Variants in PYY observed in about 807,000 individuals in gnomAD.
The protein encoded by PYY is peptide YY, also known as peptide tyrosine tyrosine.
A neutral mutation model predicts 10.3 loss-of-function variants in PYY; 12 were observed. The ratio of observed to expected loss-of-function variants is 1.17; its 90% CI spans 0.75 to 1.89. PYY has a LOEUF of 1.89. Ranked by LOEUF, PYY falls within the 40% of genes most tolerant of loss-of-function variation. The pLI, the probability that PYY is intolerant of heterozygous loss-of-function variation, is 0.00. For missense variants in PYY, 141 were observed against 134.0 expected, an observed-to-expected ratio of 1.05 and a Z score of -0.26; for synonymous variants, 66 against 62.0, an observed-to-expected ratio of 1.06 and a Z score of -0.30.
intron 2 of PYY, among the ~76,000 whole-genome samples, chr17:43,962,986 A>C (rs2048722904): frequency 1.3e-5 from 2 of 152,160 alleles, no homozygotes; most frequent in Admixed American, 6.6e-5. Flanking sequence ...GAAAAGGGGG[A>C]GAAAGAGATC....
intron 1 of PYY, among the ~76,000 whole-genome samples, chr17:43,977,791 C>T (rs2048858457): frequency 6.6e-6 from 1 of 152,116 alleles, no homozygotes. Flanking sequence ...CCTGGGGCTC[C>T]TAAAACCACT....
At chr17:43,999,886 G>A (rs1240262296) in intron 1 of PYY, among the ~76,000 whole-genome samples, 1 of 152,208 alleles carries the variant, frequency 6.6e-6, no homozygotes, top group African/African-American at 2.4e-5. Context: ...ATGCTCAGGA[G>A]GAAGGAAGGG....
intron 1 of PYY, among the ~76,000 whole-genome samples, chr17:43,995,146 AG>A (rs1318756771): frequency 3.9e-5 from 6 of 152,186 alleles, no homozygotes; most frequent in Non-Finnish European, 8.8e-5. Flanking sequence ...CTATCCACCG[AG>A]GACCCCTGGG....
At chr17:43,971,864 AG>A (rs2048796210) in intron 1 of PYY, among the ~76,000 whole-genome samples, 1 of 152,146 alleles carries the variant, frequency 6.6e-6, no homozygotes, top group East Asian at 1.9e-4. Flanking sequence ...TTTATGATGA[AG>A]TCCAATTTAT....
chr17:43,985,364 C>A (rs1008133863), intron 1 of PYY, among the ~76,000 whole-genome samples: 1 of 152,132 alleles, frequency 6.6e-6, no homozygotes, highest in Non-Finnish European at 1.5e-5. Flanking sequence ...GTGCATACCA[C>A]CCCACCCAGC....
chr17:43,959,230 C>A (rs2048695671), intron 2 of PYY, among the ~76,000 whole-genome samples: 1 of 152,184 alleles, frequency 6.6e-6, no homozygotes. Flanking sequence ...TTTATGATTG[C>A]CCATTTAAGC....
At chr17:43,978,928 C>A (rs2048866049) in intron 1 of PYY, among the ~76,000 whole-genome samples, 1 of 152,184 alleles carries the variant, frequency 6.6e-6, no homozygotes, top group Non-Finnish European at 1.5e-5. Context: ...CTGTAAAGTG[C>A]CCTTATCCAT....
At chr17:43,993,460 A>G (rs2048971319) in intron 1 of PYY, among the ~76,000 whole-genome samples, 1 of 140,560 alleles carries the variant, frequency 7.1e-6, no homozygotes, top group African/African-American at 2.6e-5. Context: ...CTCCATCTCC[A>G]AAAAAAAAAA....
At chr17:43,972,634 T>C (rs2143921250) in intron 1 of PYY, among the ~76,000 whole-genome samples, 1 of 152,194 alleles carries the variant, frequency 6.6e-6, no homozygotes, top group East Asian at 1.9e-4. Context: ...GCTCAAACGA[T>C]CTTCCCACCT....
intron 1 of PYY, among the ~76,000 whole-genome samples, chr17:43,991,497 A>G (rs1253652020): frequency 1.3e-5 from 2 of 152,220 alleles, no homozygotes; most frequent in Non-Finnish European, 1.5e-5. Context: ...ATGTAAAACT[A>G]TATGGTCAGG....
At chr17:43,991,919 G>A (rs1019335440) in intron 1 of PYY, among the ~76,000 whole-genome samples, 5 of 151,544 alleles carry the variant, frequency 3.3e-5, no homozygotes, top group Admixed American at 6.6e-5. Flanking sequence ...AGGAGATGGA[G>A]ACTACCCTGA....
chr17:43,973,464 T>C (rs1487348503), intron 1 of PYY, among the ~76,000 whole-genome samples: 1 of 152,222 alleles, frequency 6.6e-6, no homozygotes, highest in Non-Finnish European at 1.5e-5. Flanking sequence ...AGCGCTGTTT[T>C]GGAGAAATCT....
At chr17:43,999,988 C>T (rs2049015432) in intron 1 of PYY, among the ~76,000 whole-genome samples, 1 of 151,972 alleles carries the variant, frequency 6.6e-6, no homozygotes, top group African/African-American at 2.4e-5. Flanking sequence ...ACATGGGTGC[C>T]TATGTTTTCC....
rs1183794188 is a variant in PYY, at chr17:43,976,202, T to C, written c.-462-9670A>G. On this transcript the variant is annotated intron_variant, in intron 1 of 6. Coordinates refer to the PYY transcript ENST00000360085. ...ATATATACGTATATGTATACATATA[T>C]ACATATACGTATATGTATACATATA... 2.1e-5 allele frequency among the ~76,000 whole-genome samples: 3 copies of C among 142,742 alleles called. 1 individual carries two copies. The highest frequency in any genetic ancestry group is 5.4e-5 in the African/African-American group (2 of 36,996). 93.6% of individuals were successfully genotyped at this position (142,742 alleles called of 152,430 possible). A position where few individuals can be genotyped will look rare whatever the true frequency, so the allele number is the denominator to read the frequency against.
intron 2 of PYY, among the ~76,000 whole-genome samples, chr17:43,964,525 C>T (rs936144981): frequency 5.9e-5 from 9 of 152,178 alleles, no homozygotes; most frequent in Non-Finnish European, 1.3e-4. Context: ...CCAAGGCAGG[C>T]GGATCACCTG....
intron 1 of PYY, among the ~76,000 whole-genome samples, chr17:43,968,283 C>T (rs536467514): frequency 1.3e-5 from 2 of 152,268 alleles, no homozygotes; most frequent in African/African-American, 2.4e-5. Context: ...CCTCCTGCCA[C>T]CTGGCCCTGA....
chr17:43,989,330 T>C lies in PYY; in HGVS notation c.-463+15061A>G, dbSNP rs547659464. On this transcript the variant is annotated intron_variant, in intron 1 of 6. Coordinates refer to the PYY transcript ENST00000360085. ...CAGAGCTTGCAGTGAGCTGAGATCATGCCACTGCACTCCAGCCTGGGTGAC... is the reference window on the plus strand; with the variant it reads ...CAGAGCTTGCAGTGAGCTGAGATCACGCCACTGCACTCCAGCCTGGGTGAC... 3.6e-4 allele frequency among the ~76,000 whole-genome samples: 54 copies of C among 150,194 alleles called. 1 individual carries two copies. The East Asian group carries it at 6.6e-3, about 18-fold the overall frequency.
intron 1 of PYY, among the ~76,000 whole-genome samples, chr17:43,966,792 A>T (rs920213380): frequency 9.2e-5 from 14 of 152,180 alleles, no homozygotes; most frequent in Non-Finnish European, 1.3e-4. Flanking sequence ...TCACTGATAT[A>T]TCCCCAGTGA....
intron 1 of PYY, among the ~76,000 whole-genome samples, chr17:43,991,847 G>A (rs1389938081): frequency 1.3e-5 from 2 of 151,548 alleles, no homozygotes; most frequent in South Asian, 2.1e-4. Context: ...AAGGCCGGGC[G>A]CGGTGGCTCA....
Sources: allele counts gnomAD v4.1 joint callset (sites outside exome capture counted in the v4.1 genomes callset), GRCh38; gene constraint gnomAD v4.1.1; transcripts MANE v1.5; gene names NCBI Gene and HGNC (gene_info 2026-07-23, HGNC 2026-07-21).